HYAL2: variants seen among roughly 807,000 people sequenced by gnomAD.
HYAL2 encodes hyaluronidase 2.
In HYAL2, 30 loss-of-function variants were observed where a neutral mutation model predicts 35.4. The ratio of observed to expected loss-of-function variants is 0.85; its 90% confidence interval spans 0.63 to 1.15. HYAL2 has a LOEUF of 1.15. HYAL2 is among the 50% of genes most tolerant of loss of function. The pLI is 0.00. For synonymous variants in HYAL2, 262 were observed against 252.8 expected, an observed-to-expected ratio of 1.04 and a Z score of -0.34; for missense variants, 635 against 646.5, an observed-to-expected ratio of 0.98 and a Z score of 0.19.
At chr3:50,319,387 T>C (rs1553716104) in intron 2 of HYAL2, among the ~76,000 whole-genome samples, 182 bp downstream of exon 2, 1 of 152,192 alleles carries the variant, frequency 6.6e-6, no homozygotes, top group African/African-American at 2.4e-5. Context: ...TGTGCCTCAA[T>C]TGTTCTCATC....
At position 50,320,201 on chromosome 3, in the gene HYAL2, G is replaced by C; in HGVS notation, c.289C>G (p.His97Asp). 6.2e-7 allele frequency: 1 copy of C among 1,613,986 alleles called. No individual in the cohort carries two copies. The highest frequency in any genetic ancestry group is 8.5e-7 in the Non-Finnish European group (1 of 1,180,048). ...PRFDSAGRSV[H>D]GGVPQNVSLW... ...CTGACATTCTGTGGCACACCACCATGCACAGACCTTCCGGCAGAATCGAAG... is the reference window on the plus strand; with the variant it reads ...CTGACATTCTGTGGCACACCACCATCCACAGACCTTCCGGCAGAATCGAAG... Residue 97 changes from histidine to aspartate, a missense_variant, in exon 2 of 4, where the codon CAT (histidine) becomes GAT (aspartate). Transcript: ENST00000357750. This position sits in a 1 kb window ranked among gnomAD's most constrained non-coding sequence, Gnocchi z 4.8.
rs587669377 is a variant in HYAL2 at position 50,322,257 on chromosome 3, A to G, written c.-47+396T>C. 1 of 152,114 alleles carries G rather than the reference A, an allele frequency of 6.6e-6. No individual in the cohort carries two copies. The highest frequency in any genetic ancestry group is 1.5e-5 in the Non-Finnish European group (1 of 68,028). 9.4% of individuals were successfully genotyped at this position (152,114 alleles called of 1,614,324 possible). A position where few individuals can be genotyped will look rare whatever the true frequency, so the allele number is the denominator to read the frequency against. On this transcript the variant is annotated intron_variant, in intron 1 of 3. Coordinates refer to ENST00000357750, the MANE Select transcript of HYAL2 (RefSeq NM_003773.5). This position sits in a 1 kb window ranked among gnomAD's most constrained non-coding sequence, Gnocchi z 5.5. ...TGACTCGCATCAGGGCGGGACAGTC[A>G]TCCCTGAGATCCCGTCCTTTTCTGC...
chr3:50,319,034 G>A lies in HYAL2; in HGVS notation c.933C>T (p.Ile311=). The A allele has an allele frequency of 1.2e-6, 2 of 1,603,332 alleles. No homozygotes were observed. Among genetic ancestry groups the A allele is most frequent in the Non-Finnish European group, 8.5e-7 (1 of 1,171,870 alleles). Residue 311 remains isoleucine (I), a synonymous_variant, in exon 3 of 4, where the codon ATC becomes ATT. Transcript: ENST00000357750. ...RLTGLSEMDL[I]STIGESAALG... is the part of the protein sequence containing the mutation. ...GGGCCGCACTCTCGCCAATGGTAGAGATGAGGTCCATCTATGCAGGAAAAG... is the reference window on the plus strand; with the variant it reads ...GGGCCGCACTCTCGCCAATGGTAGAAATGAGGTCCATCTATGCAGGAAAAG...
In HYAL2 at chr3:50,318,727, C is replaced by T. The variant is rs1027310112; in HGVS notation, c.1012-188G>A. 4 of 692,802 alleles carry T rather than the reference C, an allele frequency of 5.8e-6. No individual in the cohort carries two copies. The highest frequency in any genetic ancestry group is 9.6e-6 in the Non-Finnish European group (4 of 416,874). 42.9% of individuals were successfully genotyped at this position (692,802 alleles called of 1,614,324 possible). On this transcript the variant is annotated intron_variant, in intron 3 of 3. Transcript: ENST00000357750. This position sits in a 1 kb window ranked among gnomAD's most constrained non-coding sequence, Gnocchi z 4.5. ...AGTGGGTGGGGGTACAGACCGGAACCCAGTTGGGCAGATGGGGAAGGGCGG... is the reference window on the plus strand; with the variant it reads ...AGTGGGTGGGGGTACAGACCGGAACTCAGTTGGGCAGATGGGGAAGGGCGG...
chr3:50,318,216 T>G lies in HYAL2; in HGVS notation c.1335A>C (p.Ala445=), dbSNP rs1553715826. 1 of 1,613,316 alleles carries G rather than the reference T, an allele frequency of 6.2e-7. No individual in the cohort carries two copies. Among genetic ancestry groups the G allele is most frequent in the Non-Finnish European group, 8.5e-7 (1 of 1,180,012 alleles). The part of the protein sequence containing the change: ...GEQCQWDHRQ[A]AGGASEAWAG... Reference sequence around the variant, plus strand: ...CCCAGGCCTCGCTGGCACCTCCAGCTGCCTGCCTATGGTCCCACTGGCATT... The same window carrying G: ...CCCAGGCCTCGCTGGCACCTCCAGCGGCCTGCCTATGGTCCCACTGGCATT... The change falls in exon 4 of 4, where the codon GCA becomes GCC. Residue 445 remains alanine (A), a synonymous_variant. Transcript: ENST00000357750. The surrounding 1 kb of genome is among the most constrained non-coding windows in gnomAD (Gnocchi z 4.5).
chr3:50,318,981 C>A lies in HYAL2; in HGVS notation c.986G>T (p.Gly329Val). 6.2e-7 allele frequency: 1 copy of A among 1,613,186 alleles called. No homozygotes were observed. Among genetic ancestry groups the A allele is most frequent in the Non-Finnish European group, 8.5e-7 (1 of 1,179,414 alleles). ...CGTGCTTGTGGTGTACCCCGCGTCA[C>A]CCCAGAGGATGACACCAGCTGCGCC... Reference protein sequence around the residue: ...ALGAAGVILWGDAGYTTSTET... With the variant: ...ALGAAGVILWVDAGYTTSTET... The change falls in exon 3 of 4, where the codon GGT becomes GTT. Residue 329 changes from glycine (G) to valine (V), a missense_variant. Transcript: ENST00000357750. This position sits in a 1 kb window ranked among gnomAD's most constrained non-coding sequence, Gnocchi z 4.5.
chr3:50,321,949 CTT>C (rs1266686934), intron 1 of HYAL2: 1 of 152,194 alleles, frequency 6.6e-6, no homozygotes, highest in Admixed American at 6.5e-5. Flanking sequence ...CGTGGGTCCC[CTT>C]TGTGTGGAAA....
At position 50,320,106 on chromosome 3, in the gene HYAL2, C is replaced by G; in HGVS notation, c.384G>C (p.Gly128=). 1 of 1,613,786 alleles carries G rather than the reference C, an allele frequency of 6.2e-7. No individual in the cohort carries two copies. Among genetic ancestry groups the G allele is most frequent in the Non-Finnish European group, 8.5e-7 (1 of 1,180,048 alleles). Residue 128 remains glycine (G), a synonymous_variant, in exon 2 of 4, where the codon GGG becomes GGC. Coordinates refer to ENST00000357750, the MANE Select transcript of HYAL2 (RefSeq NM_003773.5). This position sits in a 1 kb window ranked among gnomAD's most constrained non-coding sequence, Gnocchi z 4.8. The stretch of plus-strand genomic sequence containing the variant: ...AGTCCTCCCAGTCGATGACCGCCAG[C>G]CCCGCAGACTCCTGTGTCCGAATGT... The part of the protein sequence containing the change: ...EHYIRTQESA[G]LAVIDWEDWR...
chr3:50,320,785 T>C lies in HYAL2; in HGVS notation c.-46-250A>G. ...AAATCTCTATTAGGTCTGTGACCCT[T>C]CTAAGAACTAGATAATTTGGGCTCA... On this transcript the variant is annotated intron_variant, in intron 1 of 3. Transcript: ENST00000357750. The surrounding 1 kb of genome is among the most constrained non-coding windows in gnomAD (Gnocchi z 4.8). 2.5e-6 allele frequency: 1 copy of C among 404,558 alleles called. No individual in the cohort carries two copies. The highest frequency in any genetic ancestry group is 3.9e-5 in the East Asian group (1 of 25,442). The allele number at this position is 404,558 out of a possible 1,614,324, so 25.1% of individuals were successfully genotyped here.
chr3:50,319,091 G>C, intron 2 of HYAL2, 46 bp from the exon 3 acceptor site: 1 of 1,416,238 alleles, frequency 7.1e-7, no homozygotes, highest in Non-Finnish European at 9.8e-7. Context: ...GAGACCACAG[G>C]GTGACAGGAA....
At position 50,320,431 on chromosome 3, in the gene HYAL2, G is replaced by A; in HGVS notation, c.59C>T (p.Ala20Val). The A allele has an allele frequency of 6.3e-7, 1 of 1,593,746 alleles. No individual in the cohort carries two copies. Among genetic ancestry groups the A allele is most frequent in the Non-Finnish European group, 8.6e-7 (1 of 1,168,534 alleles). The part of the protein sequence containing the change: ...TLALVLAVSW[A>V]MELKPTAPPI... ...TGGTGCTGTGGGCTTGAGCTCCATGGCCCATGACACCGCCAGCACCAGGGC... is the reference window on the plus strand; with the variant it reads ...TGGTGCTGTGGGCTTGAGCTCCATGACCCATGACACCGCCAGCACCAGGGC... The change falls in exon 2 of 4, where the codon GCC (alanine) becomes GTC (valine). Residue 20 changes from alanine to valine, a missense_variant. Ala to Val is a moderately conservative substitution (Grantham distance 64). Coordinates refer to ENST00000357750, the MANE Select transcript of HYAL2 (RefSeq NM_003773.5). This position sits in a 1 kb window ranked among gnomAD's most constrained non-coding sequence, Gnocchi z 4.8.
rs782680699 is a variant in HYAL2 at position 50,319,702 on chromosome 3, T to C, written c.788A>G (p.His263Arg). 6.2e-7 allele frequency: 1 copy of C among 1,613,844 alleles called. No individual in the cohort carries two copies. The highest frequency in any genetic ancestry group is 1.1e-5 in the South Asian group (1 of 91,078). The change falls in exon 2 of 4, where the codon CAT becomes CGT. Residue 263 changes from histidine (H) to arginine (R), a missense_variant. Coordinates refer to ENST00000357750, the MANE Select transcript of HYAL2 (RefSeq NM_003773.5). The stretch of plus-strand genomic sequence containing the variant: ...ACGGAAGCTCACAAAGTTGCGGCCA[T>C]GGCGGGAGGAAGCAAGTGTCTCGTC... ...YLDETLASSRHGRNFVSFRVQ... is the reference protein window; with the variant it reads ...YLDETLASSRRGRNFVSFRVQ...
At chr3:50,319,547 G>T (rs1553716128) in intron 2 of HYAL2, 22 bp downstream of exon 2, 4 of 1,584,754 alleles carry the variant, frequency 2.5e-6, no homozygotes, top group Non-Finnish European at 3.4e-6. Context: ...GAGAAAAAAG[G>T]CAGGGCCCTG....
chr3:50,319,974 G>A lies in HYAL2; in HGVS notation c.516C>T (p.Val172=), dbSNP rs1553716326. 2.5e-6 allele frequency: 4 copies of A among 1,613,488 alleles called. No individual in the cohort carries two copies. Among genetic ancestry groups the A allele is most frequent in the Non-Finnish European group, 2.5e-6 (3 of 1,180,042 alleles). The change falls in exon 2 of 4, where the codon GTC becomes GTT. Residue 172 remains valine, a synonymous_variant. Coordinates refer to ENST00000357750, the MANE Select transcript of HYAL2 (RefSeq NM_003773.5). ...RHPDWPPDRI[V]KQAQYEFEFA... is the part of the protein sequence containing the mutation. ...ACTCAAACTCATATTGTGCCTGTTT[G>A]ACTATGCGGTCTGGAGGCCAGTCAG... is the stretch of plus-strand genomic sequence containing the variant.
chr3:50,320,763 T>C lies in HYAL2; in HGVS notation c.-46-228A>G. The C allele has an allele frequency of 2.1e-6, 1 of 479,788 alleles. No homozygotes were observed. The highest frequency in any genetic ancestry group is 3.3e-5 in the East Asian group (1 of 30,090). The allele number at this position is 479,788 out of a possible 1,614,324, so 29.7% of individuals were successfully genotyped here. ...CAGGTAGCCTGTGGCTCGGCACAAA[T>C]CTCTATTAGGTCTGTGACCCTTCTA... is the stretch of plus-strand genomic sequence containing the variant. On this transcript the variant is annotated intron_variant, in intron 1 of 3. Transcript: ENST00000357750. This position sits in a 1 kb window ranked among gnomAD's most constrained non-coding sequence, Gnocchi z 4.8.
chr3:50,320,001 G>A lies in HYAL2; in HGVS notation c.489C>T (p.His163=), dbSNP rs372351113. 1.7e-5 allele frequency: 27 copies of A among 1,613,218 alleles called. No individual in the cohort carries two copies. The highest frequency in any genetic ancestry group is 4.0e-5 in the African/African-American group (3 of 74,938). The change falls in exon 2 of 4, where the codon CAC becomes CAT. Residue 163 remains histidine (H), a synonymous_variant. Coordinates refer to ENST00000357750, the MANE Select transcript of HYAL2 (RefSeq NM_003773.5). The surrounding 1 kb of genome is among the most constrained non-coding windows in gnomAD (Gnocchi z 4.8). ...RLSRQLVASR[H]PDWPPDRIVK... ...CTATGCGGTCTGGAGGCCAGTCAGG[G>A]TGACGACTGGCCACTAGCTGGCGTG...
At chr3:50,319,478 C>T (rs1000998020) in intron 2 of HYAL2, 91 bp downstream of exon 2, 2 of 1,091,568 alleles carry the variant, frequency 1.8e-6, no homozygotes, top group African/African-American at 3.2e-5. Flanking sequence ...CAATAAACTA[C>T]AGGTATAGTC....
Position 50,319,081 on chromosome 3 carries a change from G to A in HYAL2, c.922-36C>T, listed in dbSNP as rs116316138. The A allele has an allele frequency of 1.1e-3, 1,622 of 1,478,058 alleles. 15 individuals carry two copies. The African/African-American group carries it at 0.02, about 18-fold the overall frequency. The allele number at this position is 1,478,058 out of a possible 1,614,324, so 91.6% of individuals were successfully genotyped here. On this transcript the variant is annotated intron_variant, in intron 2 of 3. Transcript: ENST00000357750. ...AAAGGGATGGTCACTGGGGAAGACTGAGACCACAGGGTGACAGGAACAGAC... is the reference window on the plus strand; with the variant it reads ...AAAGGGATGGTCACTGGGGAAGACTAAGACCACAGGGTGACAGGAACAGAC...
Position 50,317,985 on chromosome 3 carries a change from CGAGCTGGTATG to C in HYAL2, c.*133_*143del. The C allele has an allele frequency of 1.2e-6, 1 of 827,212 alleles. No individual in the cohort carries two copies. The highest frequency in any genetic ancestry group is 2.6e-5 in the East Asian group (1 of 38,388). The allele number at this position is 827,212 out of a possible 1,614,324, so 51.2% of individuals were successfully genotyped here. A position where few individuals can be genotyped will look rare whatever the true frequency, so the allele number is the denominator to read the frequency against. Reference sequence around the variant, plus strand: ...CCCTCCCCCTTAGAACAGGGGGGTGCGAGCTGGTATGGATGCCCTCCTGGGCTTCCTGGGGG... The same window carrying C: ...CCCTCCCCCTTAGAACAGGGGGGTGCGATGCCCTCCTGGGCTTCCTGGGGG... On this transcript the variant is annotated 3_prime_UTR_variant, in exon 4 of 4. Transcript: ENST00000357750.
Sources: allele counts gnomAD v4.1 joint callset (sites outside exome capture counted in the v4.1 genomes callset), GRCh38; gene constraint gnomAD v4.1.1; non-coding constraint Gnocchi (gnomAD v3.1); transcripts MANE v1.5; gene names NCBI Gene and HGNC (gene_info 2026-07-23, HGNC 2026-07-21).